Variants in GBE1 observed in about 807,000 individuals in gnomAD.
GBE1 encodes 1,4-alpha-glucan branching enzyme 1, also known as 1,4-alpha-glucan-branching enzyme.
A neutral mutation model predicts 88.8 loss-of-function variants in GBE1; 70 were observed. The ratio of observed to expected loss-of-function variants is 0.79; its 90% confidence interval spans 0.65 to 0.96. The LOEUF (loss-of-function observed/expected upper bound fraction) is 0.96. Ranked by LOEUF, GBE1 falls within the 40% of genes least tolerant of loss-of-function variation. GBE1 has a pLI of 0.00. For missense variants in GBE1, 872 were observed against 871.0 expected, an observed-to-expected ratio of 1.00 and a Z score of -0.01; for synonymous variants, 284 against 300.1, an observed-to-expected ratio of 0.95 and a Z score of 0.56.
rs543868235 is a variant in GBE1, at chr3:81,613,420, C to T, written c.993-19397G>A. On this transcript the variant is annotated intron_variant, in intron 7 of 15. Transcript: ENST00000429644. ...GGTGCTAAGTCCCTGTGTAGTAGTG[C>T]ATACAATTCTAGTTTTTTCCTCCTT... is the stretch of plus-strand genomic sequence containing the variant. 2.6e-5 allele frequency among the ~76,000 whole-genome samples: 4 copies of T among 152,182 alleles called. No individual in the cohort carries two copies. In the South Asian group the frequency reaches 8.3e-4, roughly 32 times the overall value.
chr3:81,576,832 C>T (rs181293367), intron 12 of GBE1, among the ~76,000 whole-genome samples: 14 of 151,970 alleles, frequency 9.2e-5, no homozygotes, highest in Admixed American at 2.6e-4. Context: ...TCTGTGTATG[C>T]TTTCTCGGGG....
chr3:81,584,279 A>G (rs1006548759), intron 10 of GBE1, among the ~76,000 whole-genome samples: 1 of 152,110 alleles, frequency 6.6e-6, no homozygotes, highest in African/African-American at 2.4e-5. Context: ...AAACATGAAT[A>G]AAATCTAGCA....
chr3:81,616,968 A>C (rs2107004519), intron 7 of GBE1, among the ~76,000 whole-genome samples: 1 of 152,090 alleles, frequency 6.6e-6, no homozygotes, highest in Non-Finnish European at 1.5e-5. Flanking sequence ...GGGATGTAGG[A>C]AGGGAAAGAG....
intron 1 of GBE1, among the ~76,000 whole-genome samples, chr3:81,726,209 C>T (rs1013373094): frequency 2.3e-4 from 32 of 141,214 alleles, no homozygotes; most frequent in Non-Finnish European, 4.5e-4. Flanking sequence ...CCCTTCAATC[C>T]CCCTTCAGGA....
intron 14 of GBE1, among the ~76,000 whole-genome samples, chr3:81,514,643 A>C (rs1029533565): frequency 2.0e-5 from 3 of 151,624 alleles, no homozygotes; most frequent in South Asian, 4.1e-4. Flanking sequence ...TTTTGGTTGC[A>C]GCTTTCAAAA....
chr3:81,682,874 C>G, intron 2 of GBE1, among the ~76,000 whole-genome samples: 1 of 152,048 alleles, frequency 6.6e-6, no homozygotes, highest in African/African-American at 2.4e-5. Flanking sequence ...AATGAATAAA[C>G]AAAATGTTGT....
At chr3:81,533,280 T>C (rs1213765618) in intron 14 of GBE1, among the ~76,000 whole-genome samples, 2 of 152,116 alleles carry the variant, frequency 1.3e-5, no homozygotes, top group Admixed American at 6.6e-5. Flanking sequence ...CTCATGGAAA[T>C]GAAGAGGACA....
chr3:81,650,728 G>A (rs1045695888), intron 3 of GBE1, among the ~76,000 whole-genome samples: 10 of 152,112 alleles, frequency 6.6e-5, no homozygotes, highest in Non-Finnish European at 1.0e-4. Context: ...ACAGTGGTGC[G>A]ATCGCAGCTC....
chr3:81,758,373 T>C (rs576638341), intron 1 of GBE1, among the ~76,000 whole-genome samples: 60 of 152,364 alleles, frequency 3.9e-4, no homozygotes, highest in South Asian at 1.9e-3. Flanking sequence ...TGATGGGCAC[T>C]GGCCAATGTA....
At chr3:81,643,118 C>A in intron 6 of GBE1, 128 bp from the exon 7 acceptor site, 1 of 654,988 alleles carries the variant, frequency 1.5e-6, no homozygotes, top group Admixed American at 3.3e-5. Context: ...TGACATGATA[C>A]CTGGATACAA....
Position 81,490,339 on chromosome 3 carries a change from C to T in GBE1, c.*68G>A. On this transcript the variant is annotated 3_prime_UTR_variant, in exon 16 of 16. Coordinates refer to ENST00000429644, the MANE Select transcript of GBE1 (RefSeq NM_000158.4). ...TTCTGAAAAGCATACATGTTATAAG[C>T]TGTGTGACAGTGATAACAAGAAAAC... 8.2e-7 allele frequency: 1 copy of T among 1,217,964 alleles called. No homozygotes were observed. Among genetic ancestry groups the T allele is most frequent in the Admixed American group, 1.7e-5 (1 of 59,256 alleles). 75.4% of individuals were successfully genotyped at this position (1,217,964 alleles called of 1,614,324 possible). A position where few individuals can be genotyped will look rare whatever the true frequency, so the allele number is the denominator to read the frequency against.
intron 11 of GBE1, 29 bp from the exon 12 acceptor site, chr3:81,578,125 T>TA (rs1703674222): frequency 6.6e-7 from 1 of 1,509,636 alleles, no homozygotes; most frequent in Non-Finnish European, 8.9e-7. Flanking sequence ...TGGAGATAAA[T>TA]GAAAAAAAAA....
rs577400176 is a variant in GBE1, at chr3:81,564,784, TG to T, written c.1618+13140del. Among the ~76,000 whole-genome samples the T allele has an allele frequency of 4.6e-5, 7 of 152,236 alleles. No homozygotes were observed. The South Asian group carries it at 1.4e-3, about 32-fold the overall frequency. ...GGACATTCTCTCGCCTGGCTTCCAG[TG>T]ACTCCGGCACAGTCCAGGTCAATCT... On this transcript the variant is annotated intron_variant, in intron 12 of 15. Transcript: ENST00000429644.
intron 1 of GBE1, among the ~76,000 whole-genome samples, chr3:81,740,006 C>A (rs1481784405): frequency 2.0e-5 from 3 of 152,060 alleles, no homozygotes; most frequent in Non-Finnish European, 4.4e-5. Context: ...AGGAGAATCA[C>A]CTGAGCCCAG....
chr3:81,558,842 C>CT (rs1488691715), intron 12 of GBE1, among the ~76,000 whole-genome samples: 3 of 151,904 alleles, frequency 2.0e-5, no homozygotes, highest in African/African-American at 7.2e-5. Context: ...AACAGATGTC[C>CT]TTGTCTTTTA....
intron 14 of GBE1, among the ~76,000 whole-genome samples, chr3:81,531,761 G>A: frequency 6.6e-6 from 1 of 151,944 alleles, no homozygotes; most frequent in East Asian, 1.9e-4. Flanking sequence ...ATGTCCACTG[G>A]CTCTAAGCCC....
Position 81,578,028 on chromosome 3 carries a change from G to A in GBE1, c.1515C>T (p.Val505=), listed in dbSNP as rs1703672666. ...CAATAACTGGAGTAAAAGGAGTCAG[G>A]ACACTCATGTTTGTATACATTTCGG... is the stretch of plus-strand genomic sequence containing the variant. ...MDAEMYTNMS[V]LTPFTPVIDR... is the part of the protein sequence containing the mutation. Residue 505 remains valine, a synonymous_variant, in exon 12 of 16, where the codon GTC becomes GTT. Transcript: ENST00000429644. The A allele has an allele frequency of 6.2e-7, 1 of 1,609,748 alleles. No homozygotes were observed. The highest frequency in any genetic ancestry group is 1.7e-5 in the Admixed American group (1 of 59,302).
chr3:81,647,392 T>C (rs778797081), intron 5 of GBE1, among the ~76,000 whole-genome samples: 4 of 152,172 alleles, frequency 2.6e-5, no homozygotes, highest in Non-Finnish European at 5.9e-5. Flanking sequence ...CCTTTCTCCA[T>C]CTGAATATGT....
intron 12 of GBE1, among the ~76,000 whole-genome samples, chr3:81,571,674 GAAT>G (rs1326674094): frequency 1.3e-5 from 2 of 152,102 alleles, no homozygotes; most frequent in Non-Finnish European, 2.9e-5. Flanking sequence ...TCTGTTCCAA[GAAT>G]AATTTTTACT....
Sources: allele counts gnomAD v4.1 joint callset (sites outside exome capture counted in the v4.1 genomes callset), GRCh38; gene constraint gnomAD v4.1.1; transcripts MANE v1.5; gene names NCBI Gene and HGNC (gene_info 2026-07-23, HGNC 2026-07-21).